Variants in YAF2 observed in about 807,000 individuals in gnomAD.
The protein encoded by YAF2 is YY1-associated factor 2.
In YAF2, 7 loss-of-function variants were observed where a neutral mutation model predicts 20.1. The observed-to-expected ratio is 0.35, with a 90% confidence interval of 0.20 to 0.65. YAF2 has a LOEUF of 0.65. YAF2 is among the 30% of genes least tolerant of loss of function. YAF2 has a pLI of 0.69. For missense variants in YAF2, 151 were observed against 219.2 expected (o/e 0.69, Z 1.96); for synonymous variants, 74 against 76.0 (o/e 0.97, Z 0.14).
intron 2 of YAF2, among the ~76,000 whole-genome samples, chr12:42,166,137 G>A (rs60278477): frequency 0.038 from 5,825 of 151,590 alleles, 166 homozygotes; most frequent in Admixed American, 0.061. Context: ...GGTCTTGAAC[G>A]CCCAACCTCA....
chr12:42,236,003 A>T, intron 2 of YAF2: 1 of 1,536,112 alleles, frequency 6.5e-7, no homozygotes, highest in Non-Finnish European at 8.7e-7. Context: ...TGTCCCTGCA[A>T]ATAAACATAT....
chr12:42,157,953 A>G lies in YAF2; in HGVS notation c.*2636T>C, dbSNP rs1042557575. The stretch of plus-strand genomic sequence containing the variant: ...CTCTTACTTATAGCAAAGTAAGGTA[A>G]TAAATGCTGGAAAACATCCAAATTC... On this transcript the variant is annotated 3_prime_UTR_variant, in exon 4 of 4. Coordinates refer to ENST00000534854, the MANE Select transcript of YAF2 (RefSeq NM_005748.6). 2.0e-5 allele frequency: 3 copies of G among 152,168 alleles called. No homozygotes were observed. Among genetic ancestry groups the G allele is most frequent in the African/African-American group, 7.2e-5 (3 of 41,460 alleles). The allele number at this position is 152,168 out of a possible 1,614,324, so 9.4% of individuals were successfully genotyped here. A position where few individuals can be genotyped will look rare whatever the true frequency, so the allele number is the denominator to read the frequency against.
intron 2 of YAF2, among the ~76,000 whole-genome samples, chr12:42,165,177 GCC>G (rs1228761500): frequency 6.6e-6 from 1 of 151,974 alleles, no homozygotes; most frequent in Non-Finnish European, 1.5e-5. Context: ...CATAGGCCCT[GCC>G]CTCATGCGCT....
chr12:42,221,864 C>A (rs1001902524), intron 2 of YAF2, among the ~76,000 whole-genome samples: 4 of 152,218 alleles, frequency 2.6e-5, no homozygotes, highest in African/African-American at 9.6e-5. Context: ...TCTCTACTTA[C>A]AATCTCTCAA....
intron 2 of YAF2, among the ~76,000 whole-genome samples, chr12:42,168,231 T>G (rs984953063): frequency 5.4e-5 from 8 of 147,086 alleles, no homozygotes; most frequent in Non-Finnish European, 1.2e-4. Flanking sequence ...CGGGCTGGAG[T>G]GCAATGGCGC....
chr12:42,158,522 A>G lies in YAF2; in HGVS notation c.*2067T>C, dbSNP rs2065742380. ...CTTAATCCTCCCAAAAACCCTATAAATTAGATGTGATTACCATTATTAGCC... is the reference window on the plus strand; with the variant it reads ...CTTAATCCTCCCAAAAACCCTATAAGTTAGATGTGATTACCATTATTAGCC... On this transcript the variant is annotated 3_prime_UTR_variant, in exon 4 of 4. Coordinates refer to ENST00000534854, the MANE Select transcript of YAF2 (RefSeq NM_005748.6). 6.6e-6 allele frequency: 1 copy of G among 152,194 alleles called. No homozygotes were observed. Among genetic ancestry groups the G allele is most frequent in the Non-Finnish European group, 1.5e-5 (1 of 68,032 alleles). 9.4% of individuals were successfully genotyped at this position (152,194 alleles called of 1,614,324 possible).
rs2065755678 is a variant in YAF2 at position 42,159,312 on chromosome 12, T to C, written c.*1277A>G. The C allele has an allele frequency of 1.3e-5, 2 of 152,142 alleles. No individual in the cohort carries two copies. The highest frequency in any genetic ancestry group is 4.1e-4 in the South Asian group (2 of 4,832). 9.4% of individuals were successfully genotyped at this position (152,142 alleles called of 1,614,324 possible). ...AATTCAGAAGTCTCCTTTAGGTAGA[T>C]ATATATTAAGCAAATGGTTAAGAGA... On this transcript the variant is annotated 3_prime_UTR_variant, in exon 4 of 4. Coordinates refer to ENST00000534854, the MANE Select transcript of YAF2 (RefSeq NM_005748.6).
Position 42,181,151 on chromosome 12 carries a change from G to C in YAF2, c.153-19386C>G, listed in dbSNP as rs1683196. 9.5e-3 allele frequency among the ~76,000 whole-genome samples: 1,448 copies of C among 152,298 alleles called. 32 individuals are homozygous for C. The highest frequency in any genetic ancestry group is 0.033 in the African/African-American group (1,354 of 41,556). ...TTACAGCACATTCAGAGTGGGACAA[G>C]CTGTCCTTTGTTTGAGGTTACTGAA... On this transcript the variant is annotated intron_variant, in intron 2 of 3. Transcript: ENST00000534854.
intron 2 of YAF2, among the ~76,000 whole-genome samples, chr12:42,199,727 A>C (rs11181376): frequency 0.01 from 1,535 of 152,320 alleles, 32 homozygotes; most frequent in African/African-American, 0.035. Flanking sequence ...CCAAAGACAC[A>C]GAATACGGTA....
intron 1 of YAF2, 191 bp from the exon 2 acceptor site, chr12:42,237,915 G>A: frequency 8.5e-6 from 4 of 469,264 alleles, no homozygotes; most frequent in South Asian, 9.3e-5. Context: ...GAGCGCGGCC[G>A]CAGTCGCCGC....
Position 42,160,428 on chromosome 12 carries a change from C to T in YAF2, c.*161G>A, listed in dbSNP as rs2065773861. The T allele has an allele frequency of 3.2e-6, 2 of 617,826 alleles. No individual in the cohort carries two copies. Among genetic ancestry groups the T allele is most frequent in the South Asian group, 4.3e-5 (2 of 46,230 alleles). The allele number at this position is 617,826 out of a possible 1,614,324, so 38.3% of individuals were successfully genotyped here. ...TGGAAATGTTTGGTAGGCATCATTG[C>T]AATAAAATCTAACAAATTCTAACAA... is the stretch of plus-strand genomic sequence containing the variant. On this transcript the variant is annotated 3_prime_UTR_variant, in exon 4 of 4. Coordinates refer to ENST00000534854, the MANE Select transcript of YAF2 (RefSeq NM_005748.6).
chr12:42,192,356 A>C (rs1040174208), intron 2 of YAF2, among the ~76,000 whole-genome samples: 7 of 151,816 alleles, frequency 4.6e-5, no homozygotes, highest in Non-Finnish European at 7.4e-5. Flanking sequence ...CACACACACA[A>C]AAATTAGTTG....
Position 42,217,371 on chromosome 12 carries a change from C to T in YAF2, c.152+20228G>A, listed in dbSNP as rs1039474712. On this transcript the variant is annotated intron_variant, in intron 2 of 3. Coordinates refer to ENST00000534854, the MANE Select transcript of YAF2 (RefSeq NM_005748.6). ...AACTAGCAAAGCAGTTGCGCTAACA[C>T]CCATAAATATAGGTGGGGAGACAAT... 3.9e-5 allele frequency among the ~76,000 whole-genome samples: 6 copies of T among 152,062 alleles called. No homozygotes were observed. The South Asian group carries it at 1.2e-3, about 32-fold the overall frequency.
intron 2 of YAF2, among the ~76,000 whole-genome samples, chr12:42,164,367 CAGG>C (rs1208388010): frequency 6.6e-6 from 1 of 152,134 alleles, no homozygotes. Context: ...TCTGTGTGAG[CAGG>C]AGGTCAATAC....
rs1178520397 is a variant in YAF2 at position 42,158,935 on chromosome 12, T to A, written c.*1654A>T. ...TTAAAAACAGAATAAGACAAAAAAA[T>A]TCATGTTTTAAAGGAACATATCTGG... is the stretch of plus-strand genomic sequence containing the variant. On this transcript the variant is annotated 3_prime_UTR_variant, in exon 4 of 4. Coordinates refer to ENST00000534854, the MANE Select transcript of YAF2 (RefSeq NM_005748.6). 1 of 152,176 alleles carries A rather than the reference T, an allele frequency of 6.6e-6. No homozygotes were observed. The highest frequency in any genetic ancestry group is 2.4e-5 in the African/African-American group (1 of 41,442). 9.4% of individuals were successfully genotyped at this position (152,176 alleles called of 1,614,324 possible). A position where few individuals can be genotyped will look rare whatever the true frequency, so the allele number is the denominator to read the frequency against.
intron 2 of YAF2, among the ~76,000 whole-genome samples, chr12:42,202,155 C>T (rs1475824058): frequency 1.3e-5 from 2 of 152,162 alleles, no homozygotes; most frequent in African/African-American, 2.4e-5. Flanking sequence ...CTCTCCCTCC[C>T]GCCAAGGAAT....
intron 2 of YAF2, among the ~76,000 whole-genome samples, chr12:42,226,956 C>G (rs1345962280): frequency 6.7e-6 from 1 of 149,536 alleles, no homozygotes; most frequent in African/African-American, 2.4e-5. Flanking sequence ...GTTGGCGCGG[C>G]TGCGCTGCGG....
rs1159085201 is a variant in YAF2, at chr12:42,159,056, C to A, written c.*1533G>T. 6.6e-6 allele frequency: 1 copy of A among 152,056 alleles called. No homozygotes were observed. The highest frequency in any genetic ancestry group is 2.4e-5 in the African/African-American group (1 of 41,424). 9.4% of individuals were successfully genotyped at this position (152,056 alleles called of 1,614,324 possible). A position where few individuals can be genotyped will look rare whatever the true frequency, so the allele number is the denominator to read the frequency against. On this transcript the variant is annotated 3_prime_UTR_variant, in exon 4 of 4. Transcript: ENST00000534854. ...GAATGAGGTATATAAATGTTTTAAT[C>A]ACAGACTTTTACTGTATGCAATTAA... is the stretch of plus-strand genomic sequence containing the variant.
intron 2 of YAF2, among the ~76,000 whole-genome samples, chr12:42,211,877 C>T (rs1288654810): frequency 2.0e-5 from 3 of 151,884 alleles, no homozygotes; most frequent in African/African-American, 4.8e-5. Flanking sequence ...AGTGAAACCC[C>T]GTCTCTACTA....
Sources: gnomAD v4.1 joint callset for allele counts (sites outside exome capture counted in the v4.1 genomes callset) on GRCh38, gnomAD v4.1.1 for gene constraint, MANE v1.5 for transcripts, NCBI Gene and HGNC (gene_info 2026-07-23, HGNC 2026-07-21) for gene names.